FRMPD1: variants seen among roughly 807,000 people sequenced by gnomAD.
The protein encoded by FRMPD1 is FERM and PDZ domain-containing protein 1.
FRMPD1 carries 76 observed loss-of-function variants against 117.8 expected under a neutral mutation model. The ratio of observed to expected loss-of-function variants is 0.65; its 90% confidence interval spans 0.54 to 0.78. The LOEUF (loss-of-function observed/expected upper bound fraction) is 0.78, where lower values mean the gene tolerates loss of function less well. FRMPD1 is among the 30% of genes least tolerant of loss of function. FRMPD1 has a pLI of 0.00. For synonymous variants in FRMPD1, 783 were observed against 770.4 expected (o/e 1.02, Z -0.27); for missense variants, 1,786 against 1,964.5 (o/e 0.91, Z 1.72).
In FRMPD1 at chr9:37,660,313, G is replaced by A. The variant is rs114481922; in HGVS notation, c.-5+9219G>A. On this transcript the variant is annotated intron_variant, in intron 1 of 15. Transcript: ENST00000377765. ...TGGCCATGCCTTGCAGGGAGATCTA[G>A]GAGGGCTTCTGGGAGGGACTGGCAT... is the stretch of plus-strand genomic sequence containing the variant. Among the ~76,000 whole-genome samples the A allele has an allele frequency of 2.6e-3, 391 of 152,258 alleles. 1 individual carries two copies. The highest frequency in any genetic ancestry group is 9.1e-3 in the African/African-American group (378 of 41,538).
chr9:37,613,417 A>G, the FRMPD1 span, among the ~76,000 whole-genome samples: 1 of 152,228 alleles, frequency 6.6e-6, no homozygotes, highest in African/African-American at 2.4e-5. Flanking sequence ...AATTAGGAAA[A>G]GTTAATGTGA....
At chr9:37,739,990 G>A (rs1457728440) in intron 14 of FRMPD1, 88 bp from the exon 15 acceptor site, 16 of 985,066 alleles carry the variant, frequency 1.6e-5, no homozygotes, top group Non-Finnish European at 2.3e-5. Flanking sequence ...TTTCTCGTCT[G>A]GCAGGGTTGG....
At chr9:37,609,373 A>G in the FRMPD1 span, among the ~76,000 whole-genome samples, 4 of 152,100 alleles carry the variant, frequency 2.6e-5, no homozygotes, top group African/African-American at 9.6e-5. Context: ...TCTGCCCCCA[A>G]GAAACTTCCT....
chr9:37,637,742 A>G, the FRMPD1 span, among the ~76,000 whole-genome samples: 1 of 152,190 alleles, frequency 6.6e-6, no homozygotes, highest in African/African-American at 2.4e-5. Flanking sequence ...GAGCTATATC[A>G]TCTGTCCTTT....
the FRMPD1 span, among the ~76,000 whole-genome samples, chr9:37,618,084 A>G: frequency 6.6e-6 from 1 of 152,224 alleles, no homozygotes; most frequent in African/African-American, 2.4e-5. Flanking sequence ...AAAATGGTGC[A>G]TGAGGCAATT....
chr9:37,618,034 G>A, the FRMPD1 span, among the ~76,000 whole-genome samples: 1 of 152,178 alleles, frequency 6.6e-6, no homozygotes, highest in Non-Finnish European at 1.5e-5. Context: ...ACTCCAGAAA[G>A]GAAATGAGGT....
At chr9:37,708,679 T>C (rs1007087125) in intron 4 of FRMPD1, among the ~76,000 whole-genome samples, 178 bp downstream of exon 4, 3 of 152,166 alleles carry the variant, frequency 2.0e-5, no homozygotes, top group African/African-American at 4.8e-5. Flanking sequence ...TTAGTGGCTG[T>C]TACAGTCCAC....
At chr9:37,679,648 C>T (rs1392330425) in intron 1 of FRMPD1, among the ~76,000 whole-genome samples, 1 of 152,190 alleles carries the variant, frequency 6.6e-6, no homozygotes, top group East Asian at 1.9e-4. Flanking sequence ...TGGCTCCTTT[C>T]AGGAAGCACA....
chr9:37,643,986 A>G, the FRMPD1 span, among the ~76,000 whole-genome samples: 11 of 152,232 alleles, frequency 7.2e-5, no homozygotes, highest in Non-Finnish European at 1.3e-4. Flanking sequence ...ATAGGAGCCA[A>G]CATCCACTTG....
chr9:37,629,956 G>A, the FRMPD1 span, among the ~76,000 whole-genome samples: 1 of 152,150 alleles, frequency 6.6e-6, no homozygotes, highest in Non-Finnish European at 1.5e-5. Context: ...TCATGGTTGG[G>A]TTCTGGTGAG....
intron 6 of FRMPD1, 22 bp downstream of exon 6, chr9:37,719,198 T>G: frequency 7.0e-7 from 1 of 1,434,864 alleles, no homozygotes; most frequent in Non-Finnish European, 9.8e-7. Context: ...GTCAAGGGAT[T>G]GAAATTATGA....
the FRMPD1 span, among the ~76,000 whole-genome samples, chr9:37,622,302 C>A: frequency 1.3e-5 from 2 of 152,130 alleles, no homozygotes; most frequent in South Asian, 4.1e-4. Context: ...GCATTGTTAT[C>A]GTTTTGCTTT....
the FRMPD1 span, among the ~76,000 whole-genome samples, chr9:37,630,535 C>A: frequency 2.6e-5 from 4 of 152,110 alleles, no homozygotes; most frequent in African/African-American, 9.7e-5. Flanking sequence ...CTTGGGCCAC[C>A]AGTCCTGGCT....
chr9:37,740,676 C>T lies in FRMPD1; in HGVS notation c.2148C>T (p.Ala716=). The change falls in exon 15 of 16, where the codon GCC becomes GCT. Residue 716 remains alanine (A), a synonymous_variant. Coordinates refer to ENST00000377765, the MANE Select transcript of FRMPD1 (RefSeq NM_014907.3). This position sits in a 1 kb window ranked among gnomAD's most constrained non-coding sequence, Gnocchi z 4.2. The stretch of plus-strand genomic sequence containing the variant: ...GCCTGTGTTCCAGTGTCTCCCCGGC[C>T]AGCTACCTGAGTGACAGTTCCGAGA... The part of the protein sequence containing the change: ...YYSLCSSVSP[A]SYLSDSSEST... 1 of 1,614,188 alleles carries T rather than the reference C, an allele frequency of 6.2e-7. No homozygotes were observed. The highest frequency in any genetic ancestry group is 8.5e-7 in the Non-Finnish European group (1 of 1,180,014).
In FRMPD1 at chr9:37,685,711, A is replaced by G. The variant is rs548959872; in HGVS notation, c.-4-6927A>G. Among the ~76,000 whole-genome samples the G allele has an allele frequency of 2.6e-5, 4 of 151,334 alleles. No individual in the cohort carries two copies. In the South Asian group the frequency reaches 6.3e-4, roughly 24 times the overall value. On this transcript the variant is annotated intron_variant, in intron 1 of 15. Transcript: ENST00000377765. ...TTACAGTTTTGTGTGTTCCTTTTCC[A>G]TTTTCTCCGCTAGCCCTATTATTTG...
intron 1 of FRMPD1, among the ~76,000 whole-genome samples, chr9:37,658,003 C>A (rs371325869): frequency 1.1e-4 from 17 of 152,240 alleles, no homozygotes; most frequent in African/African-American, 3.9e-4. Context: ...TGGCCCGATC[C>A]TGTCCTTTGA....
chr9:37,647,612 T>G (rs181188090), upstream of FRMPD1, among the ~76,000 whole-genome samples: 70 of 152,006 alleles, frequency 4.6e-4, 1 homozygote, highest in African/African-American at 1.7e-3. Context: ...ATTCATTCAA[T>G]AAATATTTAT....
intron 4 of FRMPD1, among the ~76,000 whole-genome samples, chr9:37,709,341 G>T (rs1460139027): frequency 7.5e-6 from 1 of 133,182 alleles, no homozygotes; most frequent in African/African-American, 2.7e-5. Flanking sequence ...CTTTGGGGTG[G>T]TATTAATTGT....
intron 1 of FRMPD1, among the ~76,000 whole-genome samples, chr9:37,687,420 C>G (rs1448167181): frequency 6.6e-6 from 1 of 152,182 alleles, no homozygotes; most frequent in Non-Finnish European, 1.5e-5. Flanking sequence ...CTTTCCTAGA[C>G]CCCATAGGAA....
Sources: allele counts gnomAD v4.1 joint callset (sites outside exome capture counted in the v4.1 genomes callset), GRCh38; gene constraint gnomAD v4.1.1; non-coding constraint Gnocchi (gnomAD v3.1); transcripts MANE v1.5; gene names NCBI Gene and HGNC (gene_info 2026-07-23, HGNC 2026-07-21).